The following TARM1 variants were observed in gnomAD, a reference collection of about 807,000 sequenced individuals.
The protein encoded by TARM1 is T cell-interacting, activating receptor on myeloid cells 1.
A neutral mutation model predicts 30.4 loss-of-function variants in TARM1; 24 were observed. The observed-to-expected ratio is 0.79, with a 90% confidence interval of 0.57 to 1.11. The LOEUF (loss-of-function observed/expected upper bound fraction) is 1.11. TARM1 is among the 50% of genes least tolerant of loss of function. TARM1 has a pLI of 0.00. For missense variants in TARM1, 323 were observed against 332.8 expected (o/e 0.97, Z 0.23); for synonymous variants, 129 against 138.9 (o/e 0.93, Z 0.50).
chr19:54,074,298 T>C (rs774825776), intron 3 of TARM1, 82 bp from the exon 4 acceptor site: 3 of 1,310,916 alleles, frequency 2.3e-6, no homozygotes, highest in Admixed American at 2.3e-5. Flanking sequence ...CCGGAGGCTC[T>C]CGTGGAGTGT....
At chr19:54,078,329 C>A (rs1435842828) in intron 1 of TARM1, among the ~76,000 whole-genome samples, 1 of 149,850 alleles carries the variant, frequency 6.7e-6, no homozygotes, top group Non-Finnish European at 1.5e-5. Flanking sequence ...GGGACTACAG[C>A]TGCACACCAC....
chr19:54,073,531 T>C (rs2071865901), intron 4 of TARM1, among the ~76,000 whole-genome samples: 1 of 151,770 alleles, frequency 6.6e-6, no homozygotes, highest in South Asian at 2.1e-4. Context: ...TCTCACTCTA[T>C]TGCCCAGGCT....
In TARM1 at chr19:54,069,961, A is replaced by G; in HGVS notation, c.*42T>C. On this transcript the variant is annotated 3_prime_UTR_variant, in exon 5 of 5. Transcript: ENST00000432826. ...CAACCCCCTGGGAATGCAGTCCAGC[A>G]GGTTGCAGCCTCAGTTTACCCAGCC... 1 of 1,466,474 alleles carries G rather than the reference A, an allele frequency of 6.8e-7. No individual in the cohort carries two copies. Among genetic ancestry groups the G allele is most frequent in the Non-Finnish European group, 9.3e-7 (1 of 1,073,222 alleles). 90.8% of individuals were successfully genotyped at this position (1,466,474 alleles called of 1,614,324 possible). A position where few individuals can be genotyped will look rare whatever the true frequency, so the allele number is the denominator to read the frequency against.
rs587638263 is a variant in TARM1 at position 54,076,752 on chromosome 19, T to C, written c.35-834A>G. 2.6e-5 allele frequency among the ~76,000 whole-genome samples: 4 copies of C among 152,104 alleles called. No homozygotes were observed. In the East Asian group the frequency reaches 7.8e-4, roughly 30 times the overall value. Reference sequence around the variant, plus strand: ...AGGTTGGAGTGCAGTGGCTCCATCATGGCTCACTGTAGCCTCCCAGGCTCA... The same window carrying C: ...AGGTTGGAGTGCAGTGGCTCCATCACGGCTCACTGTAGCCTCCCAGGCTCA... On this transcript the variant is annotated intron_variant, in intron 1 of 4. Coordinates refer to ENST00000432826, the MANE Select transcript of TARM1 (RefSeq NM_001135686.3).
At chr19:54,075,804 A>G in intron 2 of TARM1, 79 bp downstream of exon 2, 5 of 1,468,130 alleles carry the variant, frequency 3.4e-6, no homozygotes, top group Non-Finnish European at 3.7e-6. Context: ...AAAAAAGAGA[A>G]AAAGAGGGGG....
chr19:54,079,092 T>TA (rs1162488725), intron 1 of TARM1, among the ~76,000 whole-genome samples: 20 of 102,390 alleles, frequency 2.0e-4, no homozygotes, highest in Admixed American at 4.1e-4. Context: ...TTGTCTCTAC[T>TA]AAAAAAAAAA....
At chr19:54,076,132 T>A in intron 1 of TARM1, 1 of 1,478,418 alleles carries the variant, frequency 6.8e-7, no homozygotes, top group South Asian at 1.3e-5. Flanking sequence ...GACCATCCTG[T>A]GTGGCTGTCA....
intron 4 of TARM1, among the ~76,000 whole-genome samples, chr19:54,071,237 C>A (rs57157739): frequency 0.29 from 43,909 of 151,838 alleles, 6,532 homozygotes; most frequent in Middle Eastern, 0.34. Flanking sequence ...GGATTACAGG[C>A]CTGAGCCACC....
intron 3 of TARM1, 95 bp from the exon 4 acceptor site, chr19:54,074,311 GA>G: frequency 8.6e-7 from 1 of 1,160,556 alleles, no homozygotes. Context: ...TGGAGTGTGG[GA>G]AATGAGAGAT....
chr19:54,076,523 C>T (rs1163722088), intron 1 of TARM1: 8 of 323,026 alleles, frequency 2.5e-5, no homozygotes, highest in South Asian at 4.1e-5. Context: ...CCAGGACGCC[C>T]GGCTGAGTTT....
At chr19:54,079,514 C>T (rs1262379863) in intron 1 of TARM1, among the ~76,000 whole-genome samples, 6 of 152,048 alleles carry the variant, frequency 3.9e-5, no homozygotes, top group Non-Finnish European at 8.8e-5. Context: ...GCAGGTTGGC[C>T]TTCCTAATGG....
chr19:54,070,215 A>C, intron 4 of TARM1, 55 bp from the exon 5 acceptor site: 1 of 1,516,572 alleles, frequency 6.6e-7, no homozygotes, highest in Non-Finnish European at 8.8e-7. Flanking sequence ...CTCCTTCTCA[A>C]ATGGCCCCAC....
rs139328292 is a variant in TARM1, at chr19:54,077,786, A to G, written c.35-1868T>C. On this transcript the variant is annotated intron_variant, in intron 1 of 4. Transcript: ENST00000432826. ...AGACATAGTTTCATTCTTGTTGCCC[A>G]GGCTGGAGTGCAATGGCGCGATCTC... 8.8e-3 allele frequency among the ~76,000 whole-genome samples: 1,088 copies of G among 123,506 alleles called. 9 individuals carry two copies. Among genetic ancestry groups the G allele is most frequent in the African/African-American group, 0.032 (1,007 of 31,806 alleles). 81.0% of individuals were successfully genotyped at this position (123,506 alleles called of 152,430 possible).
intron 1 of TARM1, chr19:54,076,505 G>GCTCACT: frequency 2.7e-6 from 1 of 372,346 alleles, no homozygotes; most frequent in Non-Finnish European, 4.8e-6. Context: ...TGGGATCACA[G>GCTCACT]GCATGCGCCA....
At chr19:54,079,244 A>G (rs2072036269) in intron 1 of TARM1, among the ~76,000 whole-genome samples, 1 of 144,490 alleles carries the variant, frequency 6.9e-6, no homozygotes, top group Non-Finnish European at 1.5e-5. Flanking sequence ...AGCCTGGGTG[A>G]CGAAGCAAGA....
chr19:54,080,140 A>G (rs1340014027), intron 1 of TARM1, among the ~76,000 whole-genome samples: 9 of 80,260 alleles, frequency 1.1e-4, no homozygotes, highest in African/African-American at 2.9e-4. Flanking sequence ...AGGAAGGAAG[A>G]AAGCAAGCAA....
chr19:54,077,972 C>T (rs1179466963), intron 1 of TARM1, among the ~76,000 whole-genome samples: 1 of 151,648 alleles, frequency 6.6e-6, no homozygotes, highest in Non-Finnish European at 1.5e-5. Context: ...CTGCAACCTC[C>T]GCCTTGTGGG....
chr19:54,075,414 G>C (rs2071925139), intron 2 of TARM1, among the ~76,000 whole-genome samples: 1 of 151,600 alleles, frequency 6.6e-6, no homozygotes, highest in Non-Finnish European at 1.5e-5. Flanking sequence ...TCGAACTCCT[G>C]ACCTCAGGTG....
chr19:54,078,798 C>T (rs1489560838), intron 1 of TARM1, among the ~76,000 whole-genome samples: 4 of 152,002 alleles, frequency 2.6e-5, no homozygotes, highest in Non-Finnish European at 5.9e-5. Context: ...ACACTGTGCT[C>T]GGCCTACAGT....
Sources: gnomAD v4.1 joint callset for allele counts (sites outside exome capture counted in the v4.1 genomes callset) on GRCh38, gnomAD v4.1.1 for gene constraint, MANE v1.5 for transcripts, NCBI Gene and HGNC (gene_info 2026-07-23, HGNC 2026-07-21) for gene names.